NYAP2: variants seen among roughly 807,000 people sequenced by gnomAD.
NYAP2 encodes neuronal tyrosine-phosphorylated phosphoinositide-3-kinase adaptor 2.
A neutral mutation model predicts 50.4 loss-of-function variants in NYAP2; 23 were observed. The observed-to-expected ratio is 0.46, with a 90% CI of 0.33 to 0.65. NYAP2 has a LOEUF of 0.65. NYAP2 is among the 30% of genes least tolerant of loss of function. NYAP2 has a pLI of 0.02. For synonymous variants in NYAP2, 394 were observed against 365.2 expected, an observed-to-expected ratio of 1.08 and a Z score of -0.90; for missense variants, 885 against 861.0, an observed-to-expected ratio of 1.03 and a Z score of -0.35.
chr2:225,545,807 C>A (rs1317394410), intron 4 of NYAP2, among the ~76,000 whole-genome samples: 1 of 152,110 alleles, frequency 6.6e-6, no homozygotes, highest in East Asian at 1.9e-4. Context: ...TCTTTGCAGT[C>A]CGGGCTTGTT....
At chr2:225,568,000 G>A (rs1691992281) in intron 4 of NYAP2, among the ~76,000 whole-genome samples, 1 of 152,148 alleles carries the variant, frequency 6.6e-6, no homozygotes, top group Non-Finnish European at 1.5e-5. Context: ...TTATGAAGGA[G>A]TTTTAGGATA....
the NYAP2 span, among the ~76,000 whole-genome samples, chr2:225,670,729 A>G: frequency 1.2e-3 from 180 of 152,206 alleles, 2 homozygotes; most frequent in East Asian, 7.5e-3. Context: ...ATTAAAATCA[A>G]TATTGCTAAG....
At chr2:225,454,170 T>C (rs78627219) in intron 3 of NYAP2, among the ~76,000 whole-genome samples, 17,908 of 151,534 alleles carry the variant, frequency 0.12, 1,884 homozygotes, top group African/African-American at 0.29. Context: ...CACAAAAAAT[T>C]AAAATATTAG....
downstream of NYAP2, among the ~76,000 whole-genome samples, chr2:225,655,885 T>TAC (rs372646871): frequency 0.013 from 1,561 of 121,140 alleles, 30 homozygotes; most frequent in South Asian, 0.061. Context: ...CAACCTCCAC[T>TAC]ACACACACAC....
chr2:225,690,612 T>C, the NYAP2 span, among the ~76,000 whole-genome samples: 1 of 152,114 alleles, frequency 6.6e-6, no homozygotes, highest in African/African-American at 2.4e-5. Context: ...ATATTAAATC[T>C]CTTATCTATA....
intron 4 of NYAP2, among the ~76,000 whole-genome samples, chr2:225,540,776 G>T (rs1461806856): frequency 6.6e-6 from 1 of 152,132 alleles, no homozygotes; most frequent in African/African-American, 2.4e-5. Context: ...TTGACATACT[G>T]ATTTCTATTC....
chr2:225,681,332 G>A, the NYAP2 span, among the ~76,000 whole-genome samples: 1 of 152,138 alleles, frequency 6.6e-6, no homozygotes, highest in Non-Finnish European at 1.5e-5. Context: ...TCAGTTATAA[G>A]GCCATATGCA....
chr2:225,451,456 T>C (rs1689649286), intron 3 of NYAP2, among the ~76,000 whole-genome samples: 4 of 152,194 alleles, frequency 2.6e-5, no homozygotes, highest in Admixed American at 2.6e-4. Context: ...AATTATACTA[T>C]GATAACTTAG....
intron 5 of NYAP2, 75 bp from the exon 6 acceptor site, chr2:225,626,842 A>T: frequency 9.0e-7 from 1 of 1,114,580 alleles, no homozygotes; most frequent in Non-Finnish European, 1.3e-6. Flanking sequence ...TTAGAAAATC[A>T]CACTAATTTT....
At chr2:225,438,910 G>A (rs1245676100) in intron 3 of NYAP2, among the ~76,000 whole-genome samples, 1 of 152,206 alleles carries the variant, frequency 6.6e-6, no homozygotes, top group African/African-American at 2.4e-5. Context: ...GTGCTCAGAA[G>A]TACCCAAGTA....
chr2:225,640,780 A>G (rs576534419), intron 6 of NYAP2, among the ~76,000 whole-genome samples: 19 of 152,286 alleles, frequency 1.2e-4, no homozygotes, highest in Middle Eastern at 3.4e-3. Context: ...CATATTTTAT[A>G]TATGCATTAT....
At chr2:225,676,222 C>T in the NYAP2 span, among the ~76,000 whole-genome samples, 1 of 152,010 alleles carries the variant, frequency 6.6e-6, no homozygotes, top group South Asian at 2.1e-4. Flanking sequence ...TAAATTCTTT[C>T]ACAAAACCTA....
chr2:225,621,475 A>G (rs921751461), intron 5 of NYAP2, among the ~76,000 whole-genome samples: 1 of 152,104 alleles, frequency 6.6e-6, no homozygotes, highest in African/African-American at 2.4e-5. Context: ...GGCCAAAGGG[A>G]GGAGGAAATG....
At chr2:225,588,135 A>G (rs1692420472) in intron 5 of NYAP2, among the ~76,000 whole-genome samples, 1 of 152,170 alleles carries the variant, frequency 6.6e-6, no homozygotes, top group African/African-American at 2.4e-5. Flanking sequence ...CATGTTGGCC[A>G]GGCTGATCTC....
intron 2 of NYAP2, among the ~76,000 whole-genome samples, chr2:225,406,806 T>C (rs1032650549): frequency 3.9e-5 from 6 of 151,990 alleles, no homozygotes; most frequent in African/African-American, 1.2e-4. Flanking sequence ...TTCCAGCCAA[T>C]TTGAAAGACC....
chr2:225,538,125 G>A (rs575508310), intron 4 of NYAP2, among the ~76,000 whole-genome samples: 92 of 152,302 alleles, frequency 6.0e-4, no homozygotes, highest in Middle Eastern at 3.4e-3. Context: ...ACAGGCTGGC[G>A]TTTAGTGTCT....
At chr2:225,581,094 T>A (rs1241022773) in intron 4 of NYAP2, among the ~76,000 whole-genome samples, 1 of 152,210 alleles carries the variant, frequency 6.6e-6, no homozygotes, top group Admixed American at 6.5e-5. Flanking sequence ...CAATAAAGGG[T>A]CTTCCAGCAG....
chr2:225,699,780 G>C, the NYAP2 span: 1 of 151,564 alleles, frequency 6.6e-6, no homozygotes. Flanking sequence ...ATGAGGGATG[G>C]GGTGGATTCA....
chr2:225,492,828 C>T (rs555277983), intron 3 of NYAP2, among the ~76,000 whole-genome samples: 1 of 152,176 alleles, frequency 6.6e-6, no homozygotes, highest in South Asian at 2.1e-4. Flanking sequence ...CAGGACCAGG[C>T]CATGAGGGAT....
Sources: gnomAD v4.1 joint callset for allele counts (sites outside exome capture counted in the v4.1 genomes callset) on GRCh38, gnomAD v4.1.1 for gene constraint, MANE v1.5 for transcripts, NCBI Gene and HGNC (gene_info 2026-07-23, HGNC 2026-07-21) for gene names.